Variants in TRHDE observed in about 807,000 individuals in gnomAD.
The protein encoded by TRHDE is thyrotropin-releasing hormone-degrading ectoenzyme.
TRHDE carries 72 observed loss-of-function variants against 125.7 expected under a neutral mutation model. The ratio of observed to expected loss-of-function variants is 0.57; its 90% CI spans 0.47 to 0.70. The LOEUF (loss-of-function observed/expected upper bound fraction) is 0.70. Among genes scored for constraint, TRHDE ranks in the 30% least tolerant of loss-of-function variants. TRHDE has a pLI of 0.00. For missense variants in TRHDE, 1,110 were observed against 1,327.1 expected (o/e 0.84, Z 2.54); for synonymous variants, 509 against 509.1 (o/e 1.00, Z 0.00).
At chr12:72,601,518 C>G (rs192784409) in intron 12 of TRHDE, among the ~76,000 whole-genome samples, 3 of 152,090 alleles carry the variant, frequency 2.0e-5, no homozygotes, top group African/African-American at 7.2e-5. Flanking sequence ...GAAAGCAGTT[C>G]TACTGTGGGT....
At chr12:72,234,189 G>A (rs566834698) in intron 2 of TRHDE, among the ~76,000 whole-genome samples, 4 of 152,040 alleles carry the variant, frequency 2.6e-5, no homozygotes, top group South Asian at 2.1e-4. Context: ...TAAGTGATAC[G>A]GAGAAAATAT....
intron 2 of TRHDE, among the ~76,000 whole-genome samples, chr12:72,237,529 T>C (rs1355525647): frequency 6.6e-6 from 1 of 152,224 alleles, no homozygotes; most frequent in Non-Finnish European, 1.5e-5. Flanking sequence ...TCTGCACCTC[T>C]CATCTCTTTT....
intron 6 of TRHDE, among the ~76,000 whole-genome samples, chr12:72,511,689 A>G (rs1459075370): frequency 3.9e-5 from 6 of 152,126 alleles, no homozygotes. Flanking sequence ...GATGGAGGCA[A>G]GTTTTCCTTT....
chr12:72,136,860 T>TG (rs1592454313), intron 2 of TRHDE, among the ~76,000 whole-genome samples: 1 of 152,156 alleles, frequency 6.6e-6, no homozygotes, highest in East Asian at 1.9e-4. Context: ...TTCTCAGGCA[T>TG]GGTTGCTAGC....
intron 9 of TRHDE, among the ~76,000 whole-genome samples, chr12:72,565,771 A>G (rs1870412353): frequency 6.6e-6 from 1 of 151,948 alleles, no homozygotes; most frequent in Non-Finnish European, 1.5e-5. Flanking sequence ...TACTACCTTA[A>G]TATAATCATT....
intron 15 of TRHDE, among the ~76,000 whole-genome samples, chr12:72,638,816 A>C (rs898468715): frequency 2.0e-5 from 3 of 152,074 alleles, no homozygotes; most frequent in Non-Finnish European, 4.4e-5. Context: ...TTTCTTTAAG[A>C]ATGTTGAATA....
Position 72,187,320 on chromosome 12 carries a change from C to CAT in TRHDE, n.279+81569_279+81570insTA. Among the ~76,000 whole-genome samples the CAT allele has an allele frequency of 2.9e-5, 4 of 135,736 alleles. 2 individuals are homozygous for CAT. The Admixed American group carries it at 3.2e-4, about 11-fold the overall frequency. The allele number at this position is 135,736 out of a possible 152,430, so 89.0% of individuals were successfully genotyped here. ...TCTTCAGAGAAACACAACACACACA[C>CAT]ACACACACACACACACACACACACA... is the stretch of plus-strand genomic sequence containing the variant. On this transcript the variant is annotated intron_variant and non_coding_transcript_variant, in intron 2 of 4. Coordinates refer to the TRHDE transcript ENST00000548156.
intron 17 of TRHDE, among the ~76,000 whole-genome samples, chr12:72,653,986 A>G (rs2136111349): frequency 6.6e-6 from 1 of 152,296 alleles, no homozygotes; most frequent in African/African-American, 2.4e-5. Flanking sequence ...CTCTATCCAT[A>G]GGTATTTCAT....
At chr12:72,382,504 G>A (rs939910551) in intron 3 of TRHDE, among the ~76,000 whole-genome samples, 3 of 152,078 alleles carry the variant, frequency 2.0e-5, no homozygotes, top group African/African-American at 7.2e-5. Flanking sequence ...CTGAAGTGAT[G>A]GCATTCTTAC....
rs1426416828 is a variant in TRHDE at position 72,543,467 on chromosome 12, A to T, written c.1788+1111A>T. On this transcript the variant is annotated intron_variant, in intron 7 of 18. Coordinates refer to ENST00000261180, the MANE Select transcript of TRHDE (RefSeq NM_013381.3). ...TGAATCCATTGAATCTATTTGCTGTATGTTAACAGCTCTATTCTGATCACA... is the reference window on the plus strand; with the variant it reads ...TGAATCCATTGAATCTATTTGCTGTTTGTTAACAGCTCTATTCTGATCACA... 2.0e-5 allele frequency among the ~76,000 whole-genome samples: 3 copies of T among 151,492 alleles called. No individual in the cohort carries two copies. The East Asian group carries it at 5.8e-4, about 29-fold the overall frequency.
rs115161412 is a variant in TRHDE, at chr12:72,087,885, T to C, written n.174+446T>C. ...CCAGCACCATTTACCAGCCGAGGTGTAGGAGAACAGGAGGAGTAGGACTGC... is the reference window on the plus strand; with the variant it reads ...CCAGCACCATTTACCAGCCGAGGTGCAGGAGAACAGGAGGAGTAGGACTGC... On this transcript the variant is annotated intron_variant and non_coding_transcript_variant, in intron 1 of 4. Coordinates refer to the TRHDE transcript ENST00000548156. 2.2e-3 allele frequency among the ~76,000 whole-genome samples: 340 copies of C among 152,106 alleles called. 4 individuals carry two copies. Among genetic ancestry groups the C allele is most frequent in the African/African-American group, 7.5e-3 (313 of 41,498 alleles).
At chr12:72,651,212 A>T (rs1479337922) in intron 15 of TRHDE, among the ~76,000 whole-genome samples, 2 of 152,070 alleles carry the variant, frequency 1.3e-5, no homozygotes, top group African/African-American at 4.8e-5. Flanking sequence ...GGGAACATTA[A>T]TTTTGTATGA....
At chr12:72,264,764 TA>T (rs1879027159) in intron 2 of TRHDE, 1 of 151,950 alleles carries the variant, frequency 6.6e-6, no homozygotes, top group Non-Finnish European at 1.5e-5. Flanking sequence ...AAGGTGGCAC[TA>T]AAGAGAAAAG....
At position 72,575,202 on chromosome 12, in the gene TRHDE, A is replaced by G. The variant is rs183889956; in HGVS notation, c.2132-53A>G. The G allele has an allele frequency of 8.3e-4, 1,309 of 1,573,848 alleles. 2 individuals carry two copies. The highest frequency in any genetic ancestry group is 6.2e-4 in the Non-Finnish European group (711 of 1,152,872). ...ATCTGGCGTTAAGAAAACATACTTC[A>G]TTTCATTTTAACTCTTAAAGTTTGA... On this transcript the variant is annotated intron_variant, in intron 10 of 18. Transcript: ENST00000261180.
intron 6 of TRHDE, among the ~76,000 whole-genome samples, chr12:72,525,618 TG>T (rs1473983361): frequency 6.7e-6 from 1 of 148,570 alleles, no homozygotes. Flanking sequence ...TGTGTGTGTG[TG>T]TGTGTGTGTG....
intron 2 of TRHDE, among the ~76,000 whole-genome samples, chr12:72,287,590 A>G (rs993515169): frequency 1.3e-5 from 2 of 152,070 alleles, no homozygotes; most frequent in African/African-American, 4.8e-5. Flanking sequence ...ACACACACAC[A>G]CACACACACA....
chr12:72,187,974 A>AT (rs1240568296), intron 2 of TRHDE, among the ~76,000 whole-genome samples: 3 of 152,260 alleles, frequency 2.0e-5, no homozygotes, highest in African/African-American at 7.2e-5. Context: ...ATATGAAATA[A>AT]TTAATATGAA....
chr12:72,186,736 G>T (rs1400904601), intron 2 of TRHDE: 1 of 151,748 alleles, frequency 6.6e-6, no homozygotes, highest in South Asian at 2.1e-4. Flanking sequence ...TCAGCAAATA[G>T]AATTATTTTA....
At chr12:72,472,336 A>G (rs1453738679) in intron 4 of TRHDE, among the ~76,000 whole-genome samples, 1 of 152,198 alleles carries the variant, frequency 6.6e-6, no homozygotes, top group East Asian at 1.9e-4. Context: ...AATTCCTTTA[A>G]CGTTTTCCTG....
Sources: gnomAD v4.1 joint callset for allele counts (sites outside exome capture counted in the v4.1 genomes callset) on GRCh38, gnomAD v4.1.1 for gene constraint, MANE v1.5 for transcripts, NCBI Gene and HGNC (gene_info 2026-07-23, HGNC 2026-07-21) for gene names.